ANK3: variants seen among roughly 807,000 people sequenced by gnomAD.
The protein encoded by ANK3 is ankyrin 3.
ANK3 carries 57 observed loss-of-function variants against 370.9 expected under a neutral mutation model. The observed-to-expected ratio is 0.15, with a 90% confidence interval of 0.12 to 0.19. The LOEUF is 0.19. ANK3 is among the 10% of genes least tolerant of loss of function. The pLI, the probability that ANK3 is intolerant of heterozygous loss-of-function variation, is 1.00. For synonymous variants in ANK3, 1,929 were observed against 1,946.3 expected, an observed-to-expected ratio of 0.99 and a Z score of 0.23; for missense variants, 4,439 against 5,302.1, an observed-to-expected ratio of 0.84 and a Z score of 5.06.
chr10:60,128,215 G>A (rs540404158), intron 25 of ANK3, among the ~76,000 whole-genome samples: 3 of 152,128 alleles, frequency 2.0e-5, no homozygotes, highest in African/African-American at 7.2e-5. Flanking sequence ...TATAAATTAC[G>A]TGGACTCCTC....
At chr10:60,404,610 C>T (rs2063416582) in intron 2 of ANK3, among the ~76,000 whole-genome samples, 1 of 152,090 alleles carries the variant, frequency 6.6e-6, no homozygotes, top group African/African-American at 2.4e-5. Flanking sequence ...AAACTAAACT[C>T]TAAAGCATTT....
intron 1 of ANK3, among the ~76,000 whole-genome samples, chr10:60,282,401 C>T (rs1442980044): frequency 1.3e-5 from 2 of 152,166 alleles, no homozygotes; most frequent in African/African-American, 2.4e-5. Context: ...AAAACAAAAT[C>T]GGTATAAAAC....
chr10:60,589,566 G>A (rs7081184), intron 2 of ANK3, among the ~76,000 whole-genome samples: 29,075 of 152,092 alleles, frequency 0.19, 3,280 homozygotes, highest in East Asian at 0.37. Flanking sequence ...AGATGACTGT[G>A]GCTTGAAGCA....
intron 2 of ANK3, among the ~76,000 whole-genome samples, chr10:60,402,823 C>T (rs1331982707): frequency 1.3e-5 from 2 of 152,158 alleles, no homozygotes; most frequent in Admixed American, 6.5e-5. Context: ...TAACCAAAGA[C>T]GCTATTTGTG....
In ANK3 at chr10:60,071,341, T is replaced by C; in HGVS notation, c.9540A>G (p.Glu3180=). ...ETPSSEEVSY[E]FTSKTPDSLI... is the part of the protein sequence containing the mutation. ...GCGAGTCAGGTGTCTTAGATGTAAA[T>C]TCATAACTCACTTCCTCTGAACTGG... is the stretch of plus-strand genomic sequence containing the variant. Residue 3180 remains glutamate (E), a synonymous_variant, in exon 37 of 44, where the codon GAA becomes GAG. Transcript: ENST00000280772. The C allele has an allele frequency of 2.5e-6, 4 of 1,614,046 alleles. No homozygotes were observed. Among genetic ancestry groups the C allele is most frequent in the Non-Finnish European group, 3.4e-6 (4 of 1,179,986 alleles).
rs745605910 is a variant in ANK3, at chr10:60,181,431, C to T, written c.2086-4G>A. ...AATGGAGTGGGGTCAGGCCGCTCTG[C>T]AAAAGATTCAAAGGGCACAGTCATC... On this transcript the variant is annotated splice_polypyrimidine_tract_variant and splice_region_variant and intron_variant, in intron 17 of 43. Coordinates refer to ENST00000280772, the MANE Select transcript of ANK3 (RefSeq NM_020987.5). 1.9e-6 allele frequency: 3 copies of T among 1,613,696 alleles called. No individual in the cohort carries two copies. In the East Asian group the frequency reaches 6.7e-5, roughly 36 times the overall value.
rs535709084 is a variant in ANK3, at chr10:60,183,789, C to T, written c.2086-2362G>A. ...AGAAGAATCGCTTACACCCTGGAGG[C>T]GGAGGTTGCAGTGAGCCAAGATTGC... On this transcript the variant is annotated intron_variant, in intron 17 of 43. Transcript: ENST00000280772. Among the ~76,000 whole-genome samples, 23 of 150,470 alleles carry T rather than the reference C, an allele frequency of 1.5e-4. No homozygotes were observed. The South Asian group carries it at 2.7e-3, about 18-fold the overall frequency.
chr10:60,553,864 T>C (rs1160772978), intron 2 of ANK3, among the ~76,000 whole-genome samples: 1 of 152,202 alleles, frequency 6.6e-6, no homozygotes, highest in Non-Finnish European at 1.5e-5. Flanking sequence ...CAACTAGCCC[T>C]TTATAACACA....
At chr10:60,233,523 C>T (rs762975751) in intron 8 of ANK3, among the ~76,000 whole-genome samples, 13 of 152,256 alleles carry the variant, frequency 8.5e-5, no homozygotes, top group Non-Finnish European at 1.9e-4. Flanking sequence ...CCTTGAACTC[C>T]TGGGCTCAAG....
At chr10:60,725,285 T>C (rs1471087777) in intron 1 of ANK3, among the ~76,000 whole-genome samples, 3 of 152,066 alleles carry the variant, frequency 2.0e-5, no homozygotes, top group Non-Finnish European at 2.9e-5. Flanking sequence ...CCATTTTTCC[T>C]CTCCCCCAAG....
chr10:60,679,029 G>C (rs199961077), intron 1 of ANK3, among the ~76,000 whole-genome samples: 1 of 152,198 alleles, frequency 6.6e-6, no homozygotes, highest in East Asian at 1.9e-4. Context: ...TAAAGAGAGT[G>C]CTCAGGGTGG....
Position 60,220,416 on chromosome 10 carries a change from T to C in ANK3, c.898-6906A>G, listed in dbSNP as rs377161589. Among the ~76,000 whole-genome samples the C allele has an allele frequency of 3.9e-5, 6 of 152,294 alleles. No individual in the cohort carries two copies. In the East Asian group the frequency reaches 1.2e-3, roughly 29 times the overall value. On this transcript the variant is annotated intron_variant, in intron 8 of 43. Transcript: ENST00000280772. ...ATGGGTAAGGGAAGCCAGGCATGCCTCATTCTGCCCTCCTCCTTTTCGGAA... is the reference window on the plus strand; with the variant it reads ...ATGGGTAAGGGAAGCCAGGCATGCCCCATTCTGCCCTCCTCCTTTTCGGAA...
chr10:60,243,629 T>G (rs181280052), intron 7 of ANK3, among the ~76,000 whole-genome samples: 503 of 146,828 alleles, frequency 3.4e-3, no homozygotes, highest in Middle Eastern at 6.9e-3. Context: ...ATAAATGAGT[T>G]AGTAAGTGTA....
At chr10:60,179,694 A>T (rs1007695853) in intron 18 of ANK3, among the ~76,000 whole-genome samples, 4 of 152,054 alleles carry the variant, frequency 2.6e-5, no homozygotes, top group Admixed American at 6.5e-5. Flanking sequence ...GGAAAAAAAA[A>T]AAAAAAGACT....
rs2097421299 is a variant in ANK3 at position 60,240,173 on chromosome 10, T to TATATAC, written c.799-5388_799-5387insGTATAT. Among the ~76,000 whole-genome samples the TATATAC allele has an allele frequency of 7.5e-5, 9 of 119,826 alleles. No individual in the cohort carries two copies. The South Asian group carries it at 3.0e-3, about 39-fold the overall frequency. The allele number at this position is 119,826 out of a possible 152,430, so 78.6% of individuals were successfully genotyped here. ...ATATATACATATATACACATATATA[T>TATATAC]ACATATATACACATATATATACACA... On this transcript the variant is annotated intron_variant, in intron 7 of 43. Coordinates refer to ENST00000280772, the MANE Select transcript of ANK3 (RefSeq NM_020987.5).
intron 18 of ANK3, among the ~76,000 whole-genome samples, chr10:60,179,581 G>A (rs1177171473): frequency 6.6e-6 from 1 of 152,056 alleles, no homozygotes; most frequent in African/African-American, 2.4e-5. Flanking sequence ...TGTAGTCCCA[G>A]CTACTCAGGA....
At chr10:60,519,366 C>T (rs10994397) in intron 2 of ANK3, among the ~76,000 whole-genome samples, 15,166 of 152,092 alleles carry the variant, frequency 0.1, 1,215 homozygotes, top group East Asian at 0.31. Context: ...AGGCAAAATC[C>T]CTGCCCTCCA....
chr10:60,276,534 A>G (rs2098092222), intron 4 of ANK3, among the ~76,000 whole-genome samples: 1 of 152,246 alleles, frequency 6.6e-6, no homozygotes, highest in African/African-American at 2.4e-5. Context: ...TTGCTGTGCC[A>G]TGTGTGGCTG....
At chr10:60,691,304 AAAAAG>A (rs906502320) in intron 1 of ANK3, among the ~76,000 whole-genome samples, 6 of 152,196 alleles carry the variant, frequency 3.9e-5, no homozygotes, top group Non-Finnish European at 7.3e-5. Context: ...ATGAAATTTG[AAAAAG>A]AAAAGAAAAG....
Sources: allele counts gnomAD v4.1 joint callset (sites outside exome capture counted in the v4.1 genomes callset), GRCh38; gene constraint gnomAD v4.1.1; transcripts MANE v1.5; gene names NCBI Gene and HGNC (gene_info 2026-07-23, HGNC 2026-07-21).